The following ZNF385B variants were observed in gnomAD, a reference collection of about 807,000 sequenced individuals.
The protein encoded by ZNF385B is zinc finger protein 533.
A neutral mutation model predicts 39.2 loss-of-function variants in ZNF385B; 23 were observed. The observed-to-expected ratio is 0.59, with a 90% CI of 0.42 to 0.83. The LOEUF (loss-of-function observed/expected upper bound fraction) is 0.83, where lower values mean the gene tolerates loss of function less well. Ranked by LOEUF, ZNF385B falls within the 40% of genes least tolerant of loss-of-function variation. The pLI is 0.00. For synonymous variants in ZNF385B, 205 were observed against 222.6 expected, an observed-to-expected ratio of 0.92 and a Z score of 0.70; for missense variants, 552 against 598.9, an observed-to-expected ratio of 0.92 and a Z score of 0.82.
chr2:179,755,398 T>C (rs1165964206), intron 3 of ZNF385B, among the ~76,000 whole-genome samples: 1 of 152,232 alleles, frequency 6.6e-6, no homozygotes, highest in African/African-American at 2.4e-5. Flanking sequence ...CTGAGAAGAA[T>C]GTATATTCTG....
At chr2:179,678,961 C>G (rs1697231848) in intron 3 of ZNF385B, among the ~76,000 whole-genome samples, 1 of 152,138 alleles carries the variant, frequency 6.6e-6, no homozygotes, top group South Asian at 2.1e-4. Context: ...CCAATGTTCC[C>G]ACAACCAAAT....
chr2:179,534,129 G>A (rs1186744155), intron 4 of ZNF385B, among the ~76,000 whole-genome samples: 1 of 152,132 alleles, frequency 6.6e-6, no homozygotes, highest in Non-Finnish European at 1.5e-5. Flanking sequence ...AACATAAAAT[G>A]AGCACCTGCT....
intron 4 of ZNF385B, among the ~76,000 whole-genome samples, chr2:179,537,324 A>T (rs1451100610): frequency 2.0e-5 from 3 of 150,540 alleles, no homozygotes; most frequent in Non-Finnish European, 4.4e-5. Flanking sequence ...AAATAAATAA[A>T]AAAAAAATAA....
intron 1 of ZNF385B, among the ~76,000 whole-genome samples, chr2:179,824,017 C>T (rs2106587265): frequency 6.6e-6 from 1 of 152,240 alleles, no homozygotes; most frequent in South Asian, 2.1e-4. Context: ...GTCACCAAGA[C>T]TATCTTCATA....
intron 1 of ZNF385B, among the ~76,000 whole-genome samples, chr2:179,782,874 G>A (rs1283796843): frequency 6.6e-6 from 1 of 152,178 alleles, no homozygotes; most frequent in Non-Finnish European, 1.5e-5. Flanking sequence ...TCATGGATAG[G>A]AAGAATCAGT....
chr2:179,675,099 C>CA (rs1280249749), intron 3 of ZNF385B, among the ~76,000 whole-genome samples: 7 of 152,028 alleles, frequency 4.6e-5, no homozygotes, highest in South Asian at 4.1e-4. Context: ...TACTGTTGAC[C>CA]AAAAGCCTTA....
At chr2:179,585,828 G>C (rs1041673363) in intron 3 of ZNF385B, 1 of 152,080 alleles carries the variant, frequency 6.6e-6, no homozygotes, top group Admixed American at 6.5e-5. Flanking sequence ...TCTCTTCCAT[G>C]TACCTCTGTA....
At chr2:179,635,929 T>A (rs1691711773) in intron 3 of ZNF385B, among the ~76,000 whole-genome samples, 1 of 152,168 alleles carries the variant, frequency 6.6e-6, no homozygotes, top group Non-Finnish European at 1.5e-5. Flanking sequence ...TTGTGCCTTA[T>A]CAGAAATTTT....
At chr2:179,776,978 T>C (rs552572982) in intron 1 of ZNF385B, among the ~76,000 whole-genome samples, 1 of 152,180 alleles carries the variant, frequency 6.6e-6, no homozygotes, top group East Asian at 1.9e-4. Flanking sequence ...ACTTAGAAGG[T>C]TCTCCATAAA....
At chr2:179,530,343 T>G (rs879768402) in intron 4 of ZNF385B, among the ~76,000 whole-genome samples, 1 of 152,178 alleles carries the variant, frequency 6.6e-6, no homozygotes, top group Non-Finnish European at 1.5e-5. Flanking sequence ...CTGATACTTA[T>G]AGATGTAGTT....
chr2:179,607,960 G>A (rs1405667660), intron 3 of ZNF385B, among the ~76,000 whole-genome samples: 1 of 141,530 alleles, frequency 7.1e-6, no homozygotes, highest in African/African-American at 2.7e-5. Context: ...TGTTGCCCAG[G>A]CTGGAGTGCA....
intron 5 of ZNF385B, among the ~76,000 whole-genome samples, chr2:179,494,078 C>A (rs1457648194): frequency 6.6e-6 from 1 of 151,440 alleles, no homozygotes; most frequent in Non-Finnish European, 1.5e-5. Context: ...AAAATAAAGA[C>A]AAGTAAGGGG....
At chr2:179,647,049 A>G (rs1559027011) in intron 3 of ZNF385B, among the ~76,000 whole-genome samples, 3 of 152,194 alleles carry the variant, frequency 2.0e-5, no homozygotes, top group African/African-American at 7.2e-5. Context: ...AGGCTGACAC[A>G]AACTCACCCA....
At chr2:179,780,681 T>C (rs1410040073) in intron 1 of ZNF385B, among the ~76,000 whole-genome samples, 2 of 152,194 alleles carry the variant, frequency 1.3e-5, no homozygotes, top group African/African-American at 2.4e-5. Flanking sequence ...ATTCCAAACA[T>C]CACAATAGGG....
At chr2:179,789,044 C>T (rs1358494582) in intron 1 of ZNF385B, among the ~76,000 whole-genome samples, 3 of 152,012 alleles carry the variant, frequency 2.0e-5, no homozygotes, top group African/African-American at 4.8e-5. Context: ...TAAAAGTTTC[C>T]TTGTCAAATA....
intron 6 of ZNF385B, among the ~76,000 whole-genome samples, chr2:179,452,181 T>C (rs1347343669): frequency 6.6e-6 from 1 of 152,160 alleles, no homozygotes; most frequent in Non-Finnish European, 1.5e-5. Context: ...AGTAGTGTCC[T>C]TGGGAAGTTC....
chr2:179,748,725 C>A (rs891929916), intron 3 of ZNF385B, among the ~76,000 whole-genome samples: 1 of 152,088 alleles, frequency 6.6e-6, no homozygotes, highest in Non-Finnish European at 1.5e-5. Context: ...GTTGCATTTG[C>A]TTGGAGTCTT....
chr2:179,491,420 A>G (rs1313886799), intron 5 of ZNF385B, among the ~76,000 whole-genome samples: 3 of 152,186 alleles, frequency 2.0e-5, no homozygotes, highest in Non-Finnish European at 4.4e-5. Context: ...AACCTGGCAA[A>G]GCATGCCTTT....
At chr2:179,519,226 A>G (rs1559390451) in intron 4 of ZNF385B, among the ~76,000 whole-genome samples, 1 of 152,242 alleles carries the variant, frequency 6.6e-6, no homozygotes, top group Non-Finnish European at 1.5e-5. Context: ...ATTATTACAC[A>G]TATATTTATG....
Sources: gnomAD v4.1 joint callset for allele counts (sites outside exome capture counted in the v4.1 genomes callset) on GRCh38, gnomAD v4.1.1 for gene constraint, MANE v1.5 for transcripts, NCBI Gene and HGNC (gene_info 2026-07-23, HGNC 2026-07-21) for gene names.